Variants in MLLT1 observed in about 807,000 individuals in gnomAD.
MLLT1 encodes the protein protein ENL.
A neutral mutation model predicts 55.1 loss-of-function variants in MLLT1; 11 were observed. The ratio of observed to expected loss-of-function variants is 0.20; its 90% CI spans 0.13 to 0.33. The LOEUF (loss-of-function observed/expected upper bound fraction) is 0.33, where lower values mean the gene tolerates loss of function less well. Among genes scored for constraint, MLLT1 ranks in the 10% least tolerant of loss-of-function variants. The pLI is 1.00. For missense variants in MLLT1, 536 were observed against 760.6 expected, an observed-to-expected ratio of 0.70 and a Z score of 3.47; for synonymous variants, 323 against 320.1, an observed-to-expected ratio of 1.01 and a Z score of -0.10.
At chr19:6,278,408 G>A (rs1448572061) in intron 1 of MLLT1, among the ~76,000 whole-genome samples, 1 of 146,750 alleles carries the variant, frequency 6.8e-6, no homozygotes, top group Non-Finnish European at 1.5e-5. Context: ...AATGGGGAGG[G>A]GCCGTCCAGA....
Position 6,211,903 on chromosome 19 carries a change from C to A in MLLT1, c.*1139G>T, listed in dbSNP as rs999250648. The A allele has an allele frequency of 3.9e-5, 41 of 1,064,290 alleles. No individual in the cohort carries two copies. The highest frequency in any genetic ancestry group is 4.7e-5 in the Non-Finnish European group (41 of 878,714). The allele number at this position is 1,064,290 out of a possible 1,614,324, so 65.9% of individuals were successfully genotyped here. ...TGAATTGCGGCGGTGGAGGCCGGGGCGGGCCAGGCCGCGACCAGAGAGAAA... is the reference window on the plus strand; with the variant it reads ...TGAATTGCGGCGGTGGAGGCCGGGGAGGGCCAGGCCGCGACCAGAGAGAAA... On this transcript the variant is annotated 3_prime_UTR_variant, in exon 12 of 12. Coordinates refer to ENST00000252674, the MANE Select transcript of MLLT1 (RefSeq NM_005934.4). This position sits in a 1 kb window ranked among gnomAD's most constrained non-coding sequence, Gnocchi z 4.6.
chr19:6,270,779 G>A lies in MLLT1; in HGVS notation c.13-20C>T. The A allele has an allele frequency of 6.3e-7, 1 of 1,585,656 alleles. No homozygotes were observed. Among genetic ancestry groups the A allele is most frequent in the Non-Finnish European group, 8.6e-7 (1 of 1,162,646 alleles). On this transcript the variant is annotated intron_variant, in intron 1 of 11. Transcript: ENST00000252674. This position sits in a 1 kb window ranked among gnomAD's most constrained non-coding sequence, Gnocchi z 7.1. Reference sequence around the variant, plus strand: ...GGTGCACTGGAGGAGAGAGAGGTGGGGAGATGAAGTCAGCACACGCCTCCA... The same window carrying A: ...GGTGCACTGGAGGAGAGAGAGGTGGAGAGATGAAGTCAGCACACGCCTCCA...
At chr19:6,217,612 G>A (rs1389942720) in intron 7 of MLLT1, among the ~76,000 whole-genome samples, 3 of 152,156 alleles carry the variant, frequency 2.0e-5, no homozygotes, top group South Asian at 2.1e-4. Flanking sequence ...TGGGATGGGC[G>A]GAGGAGGTGA....
At chr19:6,274,042 T>A (rs556165771) in intron 1 of MLLT1, among the ~76,000 whole-genome samples, 1 of 152,358 alleles carries the variant, frequency 6.6e-6, no homozygotes, top group East Asian at 1.9e-4. Flanking sequence ...CCCAAAGTGC[T>A]GCCCAGGCGA....
At position 6,275,154 on chromosome 19, in the gene MLLT1, T is replaced by C. The variant is rs7260177; in HGVS notation, c.13-4395A>G. Among the ~76,000 whole-genome samples, 1,333 of 152,360 alleles carry C rather than the reference T, an allele frequency of 8.7e-3. 14 individuals are homozygous for C. Among genetic ancestry groups the C allele is most frequent in the African/African-American group, 0.03 (1,266 of 41,586 alleles). Reference sequence around the variant, plus strand: ...TTCAACAACCAGTTCATCTGAAGATTTCCCCTGGTCTTCTGGTGGGAATTC... The same window carrying C: ...TTCAACAACCAGTTCATCTGAAGATCTCCCCTGGTCTTCTGGTGGGAATTC... On this transcript the variant is annotated intron_variant, in intron 1 of 11. Coordinates refer to ENST00000252674, the MANE Select transcript of MLLT1 (RefSeq NM_005934.4).
chr19:6,262,345 T>C lies in MLLT1; in HGVS notation c.194-35A>G, dbSNP rs1417991998. 1 of 1,579,772 alleles carries C rather than the reference T, an allele frequency of 6.3e-7. No individual in the cohort carries two copies. Among genetic ancestry groups the C allele is most frequent in the Non-Finnish European group, 8.7e-7 (1 of 1,151,710 alleles). On this transcript the variant is annotated intron_variant, in intron 2 of 11. Transcript: ENST00000252674. The surrounding 1 kb of genome is among the most constrained non-coding windows in gnomAD (Gnocchi z 4.4). Reference sequence around the variant, plus strand: ...AAAGGAAGAAACACACCCATCAGCCTCCTGCCTGTTTCAGGCCCAGCTGCC... The same window carrying C: ...AAAGGAAGAAACACACCCATCAGCCCCCTGCCTGTTTCAGGCCCAGCTGCC...
At position 6,240,983 on chromosome 19, in the gene MLLT1, A is replaced by T. The variant is rs1261819523; in HGVS notation, c.277-10270T>A. Among the ~76,000 whole-genome samples the T allele has an allele frequency of 6.6e-6, 1 of 152,216 alleles. No individual in the cohort carries two copies. The highest frequency in any genetic ancestry group is 1.5e-5 in the Non-Finnish European group (1 of 68,036). On this transcript the variant is annotated intron_variant, in intron 3 of 11. Transcript: ENST00000252674. The surrounding 1 kb of genome is among the most constrained non-coding windows in gnomAD (Gnocchi z 4.7). ...TGATTTCTCCTCAGTCTGACACCAGAAAAGGCAGAAAGCAGCCAGCAACGT... is the reference window on the plus strand; with the variant it reads ...TGATTTCTCCTCAGTCTGACACCAGTAAAGGCAGAAAGCAGCCAGCAACGT...
rs982059782 is a variant in MLLT1 at position 6,256,702 on chromosome 19, C to T, written c.276+5526G>A. Among the ~76,000 whole-genome samples the T allele has an allele frequency of 7.2e-5, 11 of 152,136 alleles. No homozygotes were observed. Among genetic ancestry groups the T allele is most frequent in the Non-Finnish European group, 1.2e-4 (8 of 67,994 alleles). Reference sequence around the variant, plus strand: ...CCGGGAGGCGGAGCTTGCAGTGAGCCGAGATGGCGCCACTGCACTCTAGCC... The same window carrying T: ...CCGGGAGGCGGAGCTTGCAGTGAGCTGAGATGGCGCCACTGCACTCTAGCC... On this transcript the variant is annotated intron_variant, in intron 3 of 11. Transcript: ENST00000252674. This position sits in a 1 kb window ranked among gnomAD's most constrained non-coding sequence, Gnocchi z 4.1.
chr19:6,225,448 C>T (rs1018456686), intron 5 of MLLT1, among the ~76,000 whole-genome samples: 6 of 152,216 alleles, frequency 3.9e-5, no homozygotes, highest in African/African-American at 1.4e-4. Flanking sequence ...GGGAAGAGGC[C>T]GGTTCATGGG....
Position 6,231,325 on chromosome 19 carries a change from C to T in MLLT1, c.277-612G>A, listed in dbSNP as rs1046152936. 6.6e-6 allele frequency among the ~76,000 whole-genome samples: 1 copy of T among 152,036 alleles called. No individual in the cohort carries two copies. Among genetic ancestry groups the T allele is most frequent in the Middle Eastern group, 3.2e-3 (1 of 316 alleles). ...GGCAGGCGCTGATGGATTTTCCGCA[C>T]GAAGGTGTGAGGAGTTGACAGGGTG... On this transcript the variant is annotated intron_variant, in intron 3 of 11. Coordinates refer to ENST00000252674, the MANE Select transcript of MLLT1 (RefSeq NM_005934.4). This position sits in a 1 kb window ranked among gnomAD's most constrained non-coding sequence, Gnocchi z 5.1.
At chr19:6,239,184 G>A (rs377568702) in intron 3 of MLLT1, among the ~76,000 whole-genome samples, 8 of 152,332 alleles carry the variant, frequency 5.3e-5, no homozygotes, top group South Asian at 2.1e-4. Flanking sequence ...ACCGGTCCAC[G>A]GCATACTGGA....
chr19:6,278,821 A>G (rs1218398001), intron 1 of MLLT1, among the ~76,000 whole-genome samples: 1 of 152,142 alleles, frequency 6.6e-6, no homozygotes, highest in Non-Finnish European at 1.5e-5. Flanking sequence ...AAGGTGAAAG[A>G]GACAGCCCCG....
At chr19:6,251,750 C>A (rs1049561365) in intron 3 of MLLT1, among the ~76,000 whole-genome samples, 1 of 150,016 alleles carries the variant, frequency 6.7e-6, no homozygotes. Context: ...CATGACAAAA[C>A]CCCATCTCTA....
rs2090773762 is a variant in MLLT1 at position 6,211,699 on chromosome 19, A to G, written c.*1343T>C. 9.4e-7 allele frequency: 1 copy of G among 1,064,396 alleles called. No homozygotes were observed. Among genetic ancestry groups the G allele is most frequent in the South Asian group, 4.6e-5 (1 of 21,976 alleles). The allele number at this position is 1,064,396 out of a possible 1,614,324, so 65.9% of individuals were successfully genotyped here. Reference sequence around the variant, plus strand: ...GAGAGGACTGGAGGCGCCTCGAGTCAATGTCTGGGAAACAGAGGCTAACCA... The same window carrying G: ...GAGAGGACTGGAGGCGCCTCGAGTCGATGTCTGGGAAACAGAGGCTAACCA... On this transcript the variant is annotated 3_prime_UTR_variant, in exon 12 of 12. Transcript: ENST00000252674. This position sits in a 1 kb window ranked among gnomAD's most constrained non-coding sequence, Gnocchi z 4.6.
At position 6,218,696 on chromosome 19, in the gene MLLT1, G is replaced by C. The variant is rs3787071; in HGVS notation, c.1111-655C>G. On this transcript the variant is annotated intron_variant, in intron 6 of 11. Coordinates refer to ENST00000252674, the MANE Select transcript of MLLT1 (RefSeq NM_005934.4). ...GTAAAAGCCACAACAAGGACACAAGGGGTGGGATGCCAGGACAGAGGGTGA... is the reference window on the plus strand; with the variant it reads ...GTAAAAGCCACAACAAGGACACAAGCGGTGGGATGCCAGGACAGAGGGTGA... 8.5e-3 allele frequency among the ~76,000 whole-genome samples: 1,296 copies of C among 152,344 alleles called. 64 individuals carry two copies. In the East Asian group the frequency reaches 0.13, roughly 16 times the overall value.
chr19:6,275,056 G>C (rs2091421309), intron 1 of MLLT1, among the ~76,000 whole-genome samples: 2 of 152,252 alleles, frequency 1.3e-5, no homozygotes, highest in South Asian at 4.1e-4. Context: ...CCGCGAGCCA[G>C]CCTTGTTCCA....
In MLLT1 at chr19:6,213,038, A is replaced by G. The variant is rs1386662797; in HGVS notation, c.*4T>C. ...GCGGTGGGGGCCCGGCACGCGGCCCAGGGTCATGTGGCCACGGCCTCCAGG... is the reference window on the plus strand; with the variant it reads ...GCGGTGGGGGCCCGGCACGCGGCCCGGGGTCATGTGGCCACGGCCTCCAGG... On this transcript the variant is annotated 3_prime_UTR_variant, in exon 12 of 12. Coordinates refer to ENST00000252674, the MANE Select transcript of MLLT1 (RefSeq NM_005934.4). 80 of 1,613,070 alleles carry G rather than the reference A, an allele frequency of 5.0e-5. No individual in the cohort carries two copies. The highest frequency in any genetic ancestry group is 6.8e-5 in the Non-Finnish European group (80 of 1,179,534).
intron 3 of MLLT1, among the ~76,000 whole-genome samples, chr19:6,245,017 A>C (rs1311759664): frequency 6.6e-6 from 1 of 152,100 alleles, no homozygotes; most frequent in Non-Finnish European, 1.5e-5. Context: ...CAGCTGCTGA[A>C]AAACAGTCTG....
chr19:6,257,031 C>T (rs1474549103), intron 3 of MLLT1, among the ~76,000 whole-genome samples: 4 of 152,118 alleles, frequency 2.6e-5, no homozygotes, highest in Admixed American at 1.3e-4. Context: ...AAAGTTCACT[C>T]GAAAATGGAT....
Sources: gnomAD v4.1 joint callset for allele counts (sites outside exome capture counted in the v4.1 genomes callset) on GRCh38, gnomAD v4.1.1 for gene constraint, Gnocchi (gnomAD v3.1) non-coding constraint, MANE v1.5 for transcripts, NCBI Gene and HGNC (gene_info 2026-07-23, HGNC 2026-07-21) for gene names.